CASZ1: variants seen among roughly 807,000 people sequenced by gnomAD.
CASZ1 encodes the protein zinc finger protein castor homolog 1.
CASZ1 carries 28 observed loss-of-function variants against 135.2 expected under a neutral mutation model. The ratio of observed to expected loss-of-function variants is 0.21; its 90% CI spans 0.15 to 0.28. The LOEUF (loss-of-function observed/expected upper bound fraction) is 0.28, where lower values mean the gene tolerates loss of function less well. CASZ1 is among the 10% of genes least tolerant of loss of function. The pLI, the probability that CASZ1 is intolerant of heterozygous loss-of-function variation, is 1.00. For missense variants in CASZ1, 2,161 were observed against 2,453.3 expected, an observed-to-expected ratio of 0.88 and a Z score of 2.52; for synonymous variants, 1,068 against 1,073.4, an observed-to-expected ratio of 0.99 and a Z score of 0.10.
chr1:10,771,976 C>T (rs1226616806), intron 1 of CASZ1, among the ~76,000 whole-genome samples: 1 of 152,196 alleles, frequency 6.6e-6, no homozygotes, highest in Non-Finnish European at 1.5e-5. Context: ...ACTCCCCACT[C>T]CTGTCTGTGC....
rs1383865088 is a variant in CASZ1, at chr1:10,706,058, G to T, written c.-76-514C>A. Among the ~76,000 whole-genome samples, 1 of 152,244 alleles carries T rather than the reference G, an allele frequency of 6.6e-6. No homozygotes were observed. The highest frequency in any genetic ancestry group is 1.5e-5 in the Non-Finnish European group (1 of 68,032). ...AGCAAGTTGGTGACAGAGGGGCAAGGGCGGGCCAGGGGCCAAGGCATCAGG... is the reference window on the plus strand; with the variant it reads ...AGCAAGTTGGTGACAGAGGGGCAAGTGCGGGCCAGGGGCCAAGGCATCAGG... On this transcript the variant is annotated intron_variant, in intron 2 of 20. Coordinates refer to ENST00000377022, the MANE Select transcript of CASZ1 (RefSeq NM_001079843.3). The surrounding 1 kb of genome is among the most constrained non-coding windows in gnomAD (Gnocchi z 4.3).
chr1:10,654,361 G>A (rs1642715790), intron 10 of CASZ1, 58 bp downstream of exon 10: 1 of 1,593,718 alleles, frequency 6.3e-7, no homozygotes, highest in East Asian at 2.2e-5. Context: ...ACGAGCCTGG[G>A]TCCTTGCCTT....
intron 2 of CASZ1, among the ~76,000 whole-genome samples, chr1:10,708,979 G>C (rs901968475): frequency 2.2e-5 from 3 of 134,484 alleles, no homozygotes; most frequent in Non-Finnish European, 3.2e-5. Context: ...GGAGGGGGGG[G>C]GCCATGGGTG....
At chr1:10,686,509 AGGACTGGGTCTTGG>A (rs1638596593) in intron 4 of CASZ1, among the ~76,000 whole-genome samples, 1 of 152,092 alleles carries the variant, frequency 6.6e-6, no homozygotes, top group Non-Finnish European at 1.5e-5. Context: ...TTCTAAGCCG[AGGACTGGGTCTTGG>A]GGACACTCGG....
chr1:10,647,623 T>C lies in CASZ1; in HGVS notation c.3497+178A>G, dbSNP rs1023785489. ...GGCTGGCCTGCTCTGGGACAGGCAG[T>C]GAGGTAGGAGCAGCAGCATCTTTGG... is the stretch of plus-strand genomic sequence containing the variant. On this transcript the variant is annotated intron_variant, in intron 16 of 20. Coordinates refer to ENST00000377022, the MANE Select transcript of CASZ1 (RefSeq NM_001079843.3). This position sits in a 1 kb window ranked among gnomAD's most constrained non-coding sequence, Gnocchi z 4.9. 8.3e-6 allele frequency: 12 copies of C among 1,451,138 alleles called. No individual in the cohort carries two copies. In the South Asian group the frequency reaches 1.4e-4, roughly 17 times the overall value. 89.9% of individuals were successfully genotyped at this position (1,451,138 alleles called of 1,614,324 possible).
rs983297491 is a variant in CASZ1, at chr1:10,658,888, G to A, written c.1341-312C>T. Among the ~76,000 whole-genome samples, 3 of 152,334 alleles carry A rather than the reference G, an allele frequency of 2.0e-5. No homozygotes were observed. In the East Asian group the frequency reaches 5.8e-4, roughly 29 times the overall value. On this transcript the variant is annotated intron_variant, in intron 6 of 20. Transcript: ENST00000377022. Reference sequence around the variant, plus strand: ...GAGCATCAGGAGGCCGCTGGCTGAGGGGCACCAGGCCTCCCAACAGGGAGG... The same window carrying A: ...GAGCATCAGGAGGCCGCTGGCTGAGAGGCACCAGGCCTCCCAACAGGGAGG...
Position 10,653,727 on chromosome 1 carries a change from G to A in CASZ1, c.2330C>T (p.Pro777Leu). The A allele has an allele frequency of 6.2e-7, 1 of 1,605,918 alleles. No homozygotes were observed. The highest frequency in any genetic ancestry group is 2.2e-5 in the East Asian group (1 of 44,812). The change falls in exon 11 of 21, where the codon CCC becomes CTC. Residue 777 changes from proline (P) to leucine (L), a missense_variant. Transcript: ENST00000377022. ...GGGGATTGAGCCAGGCAGGCCCTGGGGCAGCAGCCCCGAGATCTTGCTGTT... is the reference window on the plus strand; with the variant it reads ...GGGGATTGAGCCAGGCAGGCCCTGGAGCAGCAGCCCCGAGATCTTGCTGTT... ...PPNSKISGLL[P>L]QGLPGSIPLA...
chr1:10,795,760 G>A (rs2100644569), intron 1 of CASZ1, among the ~76,000 whole-genome samples: 1 of 152,136 alleles, frequency 6.6e-6, no homozygotes, highest in African/African-American at 2.4e-5. Flanking sequence ...GCCTGGAGCA[G>A]CGCACTTGAG....
At chr1:10,760,347 G>T (rs1640349535) in intron 2 of CASZ1, among the ~76,000 whole-genome samples, 1 of 152,238 alleles carries the variant, frequency 6.6e-6, no homozygotes, top group African/African-American at 2.4e-5. Flanking sequence ...TGGCCACAAA[G>T]CCTGGGCTGC....
At chr1:10,742,195 G>C (rs4845954) in intron 2 of CASZ1, among the ~76,000 whole-genome samples, 138,457 of 152,226 alleles carry the variant, frequency 0.91, 63,036 homozygotes, top group Admixed American at 0.92. Flanking sequence ...CCGCTTTTCA[G>C]AAAGCAAGAA....
In CASZ1 at chr1:10,747,806, C is replaced by G. The variant is rs1640071698; in HGVS notation, c.-77+12895G>C. Among the ~76,000 whole-genome samples the G allele has an allele frequency of 6.7e-6, 1 of 149,110 alleles. No individual in the cohort carries two copies. Among genetic ancestry groups the G allele is most frequent in the Non-Finnish European group, 1.5e-5 (1 of 67,640 alleles). On this transcript the variant is annotated intron_variant, in intron 2 of 20. Coordinates refer to ENST00000377022, the MANE Select transcript of CASZ1 (RefSeq NM_001079843.3). The surrounding 1 kb of genome is among the most constrained non-coding windows in gnomAD (Gnocchi z 4.3). ...GAGAGGGTACACAGTACACTGTGCT[C>G]ACCTGCCTGACTTTTTTTTTTTTTT...
intron 1 of CASZ1, among the ~76,000 whole-genome samples, chr1:10,773,403 G>A (rs971199015): frequency 1.3e-5 from 2 of 151,946 alleles, no homozygotes; most frequent in African/African-American, 4.8e-5. Context: ...GGCTGGGGGA[G>A]GGGGCGGGGG....
At chr1:10,650,609 AACAAACACATCCCCCCACCC>A in intron 13 of CASZ1, 63 bp downstream of exon 13, 1 of 1,199,106 alleles carries the variant, frequency 8.3e-7, no homozygotes, top group Non-Finnish European at 1.2e-6. Flanking sequence ...AACATTAAAA[AACAAACACATCCCCCCACCC>A]CCCAGCACAG....
At chr1:10,769,688 T>C (rs769665035) in intron 1 of CASZ1, among the ~76,000 whole-genome samples, 4 of 152,136 alleles carry the variant, frequency 2.6e-5, no homozygotes, top group African/African-American at 4.8e-5. Flanking sequence ...GGCTAATTTT[T>C]GTATTTTTAG....
At chr1:10,662,350 ATAC>A (rs980685162) in intron 5 of CASZ1, among the ~76,000 whole-genome samples, 2 of 151,584 alleles carry the variant, frequency 1.3e-5, no homozygotes, top group Non-Finnish European at 2.9e-5. Flanking sequence ...TCACAATCAC[ATAC>A]AACACACATG....
intron 4 of CASZ1, among the ~76,000 whole-genome samples, chr1:10,684,335 A>T (rs1003206468): frequency 6.6e-6 from 1 of 152,084 alleles, no homozygotes; most frequent in Non-Finnish European, 1.5e-5. Context: ...GCTTCCAAGC[A>T]GTGCTCTGCC....
rs773032253 is a variant in CASZ1 at position 10,647,794 on chromosome 1, G to C, written c.3497+7C>G. The C allele has an allele frequency of 9.9e-6, 16 of 1,613,288 alleles. No homozygotes were observed. The highest frequency in any genetic ancestry group is 4.4e-5 in the South Asian group (4 of 91,060). On this transcript the variant is annotated splice_region_variant and intron_variant, in intron 16 of 20. Coordinates refer to ENST00000377022, the MANE Select transcript of CASZ1 (RefSeq NM_001079843.3). This position sits in a 1 kb window ranked among gnomAD's most constrained non-coding sequence, Gnocchi z 4.9. Reference sequence around the variant, plus strand: ...ACGCGGGACTCCCGGCTCATCGAGGGACTCACTTCTCCTGGAACTGGAGGA... The same window carrying C: ...ACGCGGGACTCCCGGCTCATCGAGGCACTCACTTCTCCTGGAACTGGAGGA...
chr1:10,713,262 C>T (rs575886535), intron 2 of CASZ1, among the ~76,000 whole-genome samples: 1 of 152,348 alleles, frequency 6.6e-6, no homozygotes, highest in East Asian at 1.9e-4. Flanking sequence ...ATGTGCCGCT[C>T]CCAAGCCTTC....
Position 10,681,694 on chromosome 1 carries a change from G to A in CASZ1, c.16+12180C>T, listed in dbSNP as rs565375952. On this transcript the variant is annotated intron_variant, in intron 4 of 20. Coordinates refer to ENST00000377022, the MANE Select transcript of CASZ1 (RefSeq NM_001079843.3). ...GTCTGGCCCAACAAATATTGACTGA[G>A]TGAATGCAGAAAACCCAGTGCTTCT... Among the ~76,000 whole-genome samples the A allele has an allele frequency of 1.2e-4, 19 of 152,386 alleles. No homozygotes were observed. In the South Asian group the frequency reaches 3.9e-3, roughly 32 times the overall value.
Sources: allele counts gnomAD v4.1 joint callset (sites outside exome capture counted in the v4.1 genomes callset), GRCh38; gene constraint gnomAD v4.1.1; non-coding constraint Gnocchi (gnomAD v3.1); transcripts MANE v1.5; gene names NCBI Gene and HGNC (gene_info 2026-07-23, HGNC 2026-07-21).